Variants in SHISA9 observed in about 807,000 individuals in gnomAD.
SHISA9 encodes the protein shisa family member 9.
SHISA9 carries 13 observed loss-of-function variants against 38.0 expected under a neutral mutation model. The ratio of observed to expected loss-of-function variants is 0.34; its 90% CI spans 0.22 to 0.54. The LOEUF (loss-of-function observed/expected upper bound fraction) is 0.54. Among genes scored for constraint, SHISA9 ranks in the 20% least tolerant of loss-of-function variants. The pLI, the probability that SHISA9 is intolerant of heterozygous loss-of-function variation, is 0.91. For synonymous variants in SHISA9, 275 were observed against 242.0 expected, an observed-to-expected ratio of 1.14 and a Z score of -1.27; for missense variants, 538 against 575.8, an observed-to-expected ratio of 0.93 and a Z score of 0.67.
chr16:13,489,106 G>A, the SHISA9 span, among the ~76,000 whole-genome samples: 1 of 152,064 alleles, frequency 6.6e-6, no homozygotes, highest in African/African-American at 2.4e-5. Flanking sequence ...GAGTATAATG[G>A]CACTATCTCA....
intron 2 of SHISA9, among the ~76,000 whole-genome samples, chr16:13,019,956 T>TTCC (rs2072828226): frequency 1.7e-5 from 1 of 60,122 alleles, no homozygotes; most frequent in African/African-American, 5.4e-5. Context: ...TCTTTCTTTC[T>TTCC]TTCCCTCCTT....
chr16:13,261,352 G>A, the SHISA9 span, among the ~76,000 whole-genome samples: 2 of 152,152 alleles, frequency 1.3e-5, no homozygotes, highest in Non-Finnish European at 2.9e-5. Flanking sequence ...TGTAGTGGTG[G>A]TGATGGTGAT....
chr16:13,185,816 AG>A (rs2050815892), intron 2 of SHISA9, among the ~76,000 whole-genome samples: 1 of 152,222 alleles, frequency 6.6e-6, no homozygotes, highest in Non-Finnish European at 1.5e-5. Flanking sequence ...CTAATTAGAA[AG>A]GGTTTGATTT....
chr16:13,194,757 T>A (rs1219302582), intron 2 of SHISA9, among the ~76,000 whole-genome samples: 1 of 152,186 alleles, frequency 6.6e-6, no homozygotes, highest in African/African-American at 2.4e-5. Context: ...ACTTAAAAAA[T>A]ACATAGTCCA....
the SHISA9 span, among the ~76,000 whole-genome samples, chr16:13,480,175 T>G: frequency 1.3e-5 from 2 of 152,190 alleles, no homozygotes; most frequent in South Asian, 4.1e-4. Flanking sequence ...ACCTTAATTT[T>G]TGTTTTGAGC....
chr16:12,914,952 G>T (rs1470420732), intron 1 of SHISA9, among the ~76,000 whole-genome samples: 1 of 152,194 alleles, frequency 6.6e-6, no homozygotes, highest in Non-Finnish European at 1.5e-5. Flanking sequence ...GCTGTAGTAC[G>T]GTAAGTTCCA....
chr16:12,979,894 C>T (rs578199074), intron 2 of SHISA9, among the ~76,000 whole-genome samples: 10 of 152,220 alleles, frequency 6.6e-5, no homozygotes, highest in Non-Finnish European at 1.2e-4. Flanking sequence ...TTCTTTACTA[C>T]GACTTCTTTT....
intron 2 of SHISA9, among the ~76,000 whole-genome samples, chr16:13,174,334 C>T (rs940468958): frequency 6.6e-6 from 1 of 152,172 alleles, no homozygotes; most frequent in East Asian, 1.9e-4. Flanking sequence ...TATTCCTCCT[C>T]CTCATGTACC....
At chr16:13,207,902 T>A (rs2051081250) in intron 3 of SHISA9, among the ~76,000 whole-genome samples, 1 of 152,202 alleles carries the variant, frequency 6.6e-6, no homozygotes, top group South Asian at 2.1e-4. Flanking sequence ...TTCTGCAACC[T>A]CCGATAAGCA....
At chr16:13,166,564 C>G (rs2050637823) in intron 2 of SHISA9, among the ~76,000 whole-genome samples, 1 of 152,210 alleles carries the variant, frequency 6.6e-6, no homozygotes, top group Non-Finnish European at 1.5e-5. Flanking sequence ...CTCAGTCTTA[C>G]CTGACACTAT....
the SHISA9 span, among the ~76,000 whole-genome samples, chr16:13,540,365 T>A: frequency 2.1e-3 from 314 of 152,260 alleles, 2 homozygotes; most frequent in Middle Eastern, 0.01. Context: ...GTTCACCGAT[T>A]TGGCAGGCTA....
chr16:13,554,197 A>T, the SHISA9 span, among the ~76,000 whole-genome samples: 11 of 151,472 alleles, frequency 7.3e-5, no homozygotes, highest in Non-Finnish European at 1.2e-4. Flanking sequence ...GTGGGCTCTG[A>T]TTGGCTTAAA....
chr16:12,993,572 G>C (rs2141834692), intron 2 of SHISA9, among the ~76,000 whole-genome samples: 1 of 152,160 alleles, frequency 6.6e-6, no homozygotes, highest in East Asian at 1.9e-4. Context: ...CAATTACTGA[G>C]CATCTACCAT....
the SHISA9 span, among the ~76,000 whole-genome samples, chr16:13,475,595 C>T: frequency 4.6e-5 from 7 of 152,224 alleles, no homozygotes; most frequent in East Asian, 1.4e-3. Flanking sequence ...GGACCGGTTT[C>T]ATGGAAGACA....
intron 2 of SHISA9, among the ~76,000 whole-genome samples, chr16:12,943,320 TGTGTGTGTGTGAGAGAGAGAGAGAGAGA>T (rs2071642635): frequency 1.7e-4 from 4 of 23,622 alleles, no homozygotes; most frequent in African/African-American, 2.9e-4. Flanking sequence ...TGTGTGTGTG[TGTGTGTGTGTGAGAGAGAGAGAGAGAGA>T]GAGAGAGAGA....
chr16:13,329,746 C>A, the SHISA9 span, among the ~76,000 whole-genome samples: 1 of 152,170 alleles, frequency 6.6e-6, no homozygotes, highest in Non-Finnish European at 1.5e-5. Context: ...TCCTAGCCCA[C>A]CCCTAGCCAA....
intron 2 of SHISA9, among the ~76,000 whole-genome samples, chr16:13,006,446 C>A (rs1470524862): frequency 6.6e-6 from 1 of 152,172 alleles, no homozygotes; most frequent in Non-Finnish European, 1.5e-5. Flanking sequence ...CAACTTGTGA[C>A]TGAGGACAAA....
the SHISA9 span, among the ~76,000 whole-genome samples, chr16:13,342,285 C>T: frequency 2.6e-5 from 4 of 152,138 alleles, no homozygotes; most frequent in South Asian, 6.2e-4. Flanking sequence ...TATGTACAAA[C>T]ATCACAGATG....
the SHISA9 span, among the ~76,000 whole-genome samples, chr16:13,510,485 A>G: frequency 4.7e-4 from 71 of 152,318 alleles, no homozygotes; most frequent in African/African-American, 1.6e-3. Flanking sequence ...ATCCATAATA[A>G]TTCATTCATC....
Sources: gnomAD v4.1 joint callset for allele counts (sites outside exome capture counted in the v4.1 genomes callset) on GRCh38, gnomAD v4.1.1 for gene constraint, MANE v1.5 for transcripts, NCBI Gene and HGNC (gene_info 2026-07-23, HGNC 2026-07-21) for gene names.